The following TMTC2 variants were observed in gnomAD, a reference collection of about 807,000 sequenced individuals.
TMTC2 encodes transmembrane O-mannosyltransferase targeting cadherins 2, also known as protein O-mannosyl-transferase TMTC2.
In TMTC2, 43 loss-of-function variants were observed where a neutral mutation model predicts 82.4. That is an observed-to-expected ratio of 0.52 (90% CI 0.41 to 0.67). The LOEUF (loss-of-function observed/expected upper bound fraction) is 0.67, where lower values mean the gene tolerates loss of function less well. Ranked by LOEUF, TMTC2 falls within the 30% of genes least tolerant of loss-of-function variation. The pLI, the probability that TMTC2 is intolerant of heterozygous loss-of-function variation, is 0.00. For missense variants in TMTC2, 919 were observed against 1,012.4 expected (o/e 0.91, Z 1.25); for synonymous variants, 408 against 381.9 (o/e 1.07, Z -0.80).
intron 1 of TMTC2, among the ~76,000 whole-genome samples, chr12:82,753,375 G>T (rs1876124472): frequency 6.8e-6 from 1 of 147,448 alleles, no homozygotes; most frequent in Non-Finnish European, 1.5e-5. Flanking sequence ...TAGCAAAAGA[G>T]ACTGACCATG....
At chr12:82,705,999 G>A (rs1873333925) in intron 1 of TMTC2, among the ~76,000 whole-genome samples, 1 of 152,098 alleles carries the variant, frequency 6.6e-6, no homozygotes, top group Non-Finnish European at 1.5e-5. Context: ...GAACAAATAA[G>A]AATTAGATTA....
chr12:82,811,598 G>T (rs183794968), intron 1 of TMTC2, among the ~76,000 whole-genome samples: 2 of 151,908 alleles, frequency 1.3e-5, no homozygotes, highest in African/African-American at 4.8e-5. Context: ...CAAAGGATGG[G>T]TCTGAAGTTT....
intron 1 of TMTC2, among the ~76,000 whole-genome samples, chr12:82,766,153 G>C (rs1190261396): frequency 1.3e-5 from 2 of 152,152 alleles, no homozygotes; most frequent in African/African-American, 2.4e-5. Flanking sequence ...TGCTTAAAAA[G>C]CTCCAAATTT....
At chr12:82,934,047 C>A (rs1464108376) in intron 4 of TMTC2, among the ~76,000 whole-genome samples, 1 of 151,928 alleles carries the variant, frequency 6.6e-6, no homozygotes, top group African/African-American at 2.4e-5. Context: ...CCTCTGTGTG[C>A]TAAATGTTCT....
chr12:82,855,998 C>T (rs1411038049), intron 1 of TMTC2, among the ~76,000 whole-genome samples: 1 of 152,222 alleles, frequency 6.6e-6, no homozygotes, highest in Non-Finnish European at 1.5e-5. Flanking sequence ...CTCTGTGTTA[C>T]TGCTCTCAAC....
At chr12:82,927,318 G>A (rs1875778064) in intron 3 of TMTC2, among the ~76,000 whole-genome samples, 1 of 152,184 alleles carries the variant, frequency 6.6e-6, no homozygotes, top group South Asian at 2.1e-4. Flanking sequence ...TGCAGAGGTC[G>A]TGGAGAGAGC....
At chr12:83,054,368 T>A (rs1447608861) in intron 10 of TMTC2, among the ~76,000 whole-genome samples, 1 of 151,986 alleles carries the variant, frequency 6.6e-6, no homozygotes, top group Non-Finnish European at 1.5e-5. Context: ...ATAACAGCAA[T>A]GGAGGTAGTG....
chr12:82,825,098 G>C (rs199915570), intron 1 of TMTC2, among the ~76,000 whole-genome samples: 70 of 134,158 alleles, frequency 5.2e-4, no homozygotes, highest in African/African-American at 2.0e-3. Flanking sequence ...CAAAAAAAAA[G>C]AAAAAAAAAA....
intron 4 of TMTC2, 75 bp downstream of exon 4, chr12:82,930,620 G>A: frequency 1.2e-6 from 1 of 855,798 alleles, no homozygotes; most frequent in Non-Finnish European, 1.9e-6. Context: ...TTTAACTGCT[G>A]GAAATGGAGA....
At chr12:82,875,701 C>T (rs550058050) in intron 2 of TMTC2, among the ~76,000 whole-genome samples, 1 of 151,956 alleles carries the variant, frequency 6.6e-6, no homozygotes, top group South Asian at 2.1e-4. Flanking sequence ...AGGTGATTTC[C>T]AAGAATAACC....
chr12:82,867,060 C>T (rs945099568), intron 2 of TMTC2, among the ~76,000 whole-genome samples: 18 of 152,148 alleles, frequency 1.2e-4, no homozygotes, highest in Non-Finnish European at 1.0e-4. Flanking sequence ...ATAGCATCTT[C>T]GAAGTCAGTG....
chr12:82,819,428 C>T (rs1868946640), intron 1 of TMTC2, among the ~76,000 whole-genome samples: 1 of 151,150 alleles, frequency 6.6e-6, no homozygotes, highest in South Asian at 2.1e-4. Context: ...CATGGTTCCT[C>T]TTGAAATGGG....
chr12:82,716,524 C>T (rs530023106), intron 1 of TMTC2, among the ~76,000 whole-genome samples: 6 of 152,006 alleles, frequency 3.9e-5, no homozygotes, highest in African/African-American at 1.4e-4. Flanking sequence ...CCACCATGCC[C>T]GGCTAATTTT....
intron 1 of TMTC2, among the ~76,000 whole-genome samples, chr12:82,769,173 C>T (rs1163740176): frequency 1.3e-5 from 2 of 151,594 alleles, no homozygotes; most frequent in African/African-American, 2.4e-5. Flanking sequence ...TTAAGAGCAA[C>T]TTAAGATGTA....
intron 11 of TMTC2, among the ~76,000 whole-genome samples, chr12:83,090,465 TA>T (rs1420453274): frequency 1.3e-5 from 2 of 152,230 alleles, no homozygotes; most frequent in Non-Finnish European, 2.9e-5. Flanking sequence ...AGTCTTTGCA[TA>T]AAGTTAACCT....
At chr12:83,093,172 T>C (rs572851960) in intron 11 of TMTC2, among the ~76,000 whole-genome samples, 3 of 152,262 alleles carry the variant, frequency 2.0e-5, no homozygotes, top group African/African-American at 7.2e-5. Context: ...CTTAGAAGCA[T>C]GTGGACTAGT....
chr12:82,961,795 T>C (rs531582090), intron 4 of TMTC2, among the ~76,000 whole-genome samples: 2 of 152,202 alleles, frequency 1.3e-5, no homozygotes, highest in Middle Eastern at 3.4e-3. Flanking sequence ...ATTTGTTTTC[T>C]TATTTGTCTC....
chr12:82,906,692 AAAAC>A (rs936119959), intron 3 of TMTC2, among the ~76,000 whole-genome samples: 10 of 152,174 alleles, frequency 6.6e-5, no homozygotes, highest in South Asian at 2.1e-4. Flanking sequence ...TTTGTCTCAA[AAAAC>A]AAACAAACAA....
chr12:82,820,188 G>A (rs977207892), intron 1 of TMTC2, among the ~76,000 whole-genome samples: 5 of 152,000 alleles, frequency 3.3e-5, no homozygotes, highest in Non-Finnish European at 1.5e-5. Context: ...TGATTAGATT[G>A]TGCCCACCCA....
Sources: allele counts gnomAD v4.1 joint callset (sites outside exome capture counted in the v4.1 genomes callset), GRCh38; gene constraint gnomAD v4.1.1; transcripts MANE v1.5; gene names NCBI Gene and HGNC (gene_info 2026-07-23, HGNC 2026-07-21).